The following GPA33 variants were observed in gnomAD, a reference collection of about 807,000 sequenced individuals.
The protein encoded by GPA33 is cell surface A33 antigen.
Under a neutral mutation model 35.6 loss-of-function variants are expected in GPA33, and 27 were observed. The ratio of observed to expected loss-of-function variants is 0.76; its 90% confidence interval spans 0.56 to 1.04. GPA33 has a LOEUF of 1.04. Ranked by LOEUF, GPA33 falls within the 50% of genes least tolerant of loss-of-function variation. The pLI is 0.00. For synonymous variants in GPA33, 176 were observed against 164.0 expected, an observed-to-expected ratio of 1.07 and a Z score of -0.56; for missense variants, 428 against 411.9, an observed-to-expected ratio of 1.04 and a Z score of -0.34.
chr1:167,059,545 C>T (rs894354282), intron 4 of GPA33, among the ~76,000 whole-genome samples: 2 of 152,000 alleles, frequency 1.3e-5, no homozygotes, highest in Non-Finnish European at 1.5e-5. Context: ...TCACAAAGGG[C>T]CCTCACGATC....
chr1:167,060,515 G>A (rs757985671), intron 4 of GPA33, among the ~76,000 whole-genome samples: 13 of 152,152 alleles, frequency 8.5e-5, no homozygotes, highest in African/African-American at 2.4e-4. Context: ...TCACCTGCAG[G>A]TCCCCATTCT....
At chr1:167,068,882 C>A (rs1571311690) in intron 3 of GPA33, 40 bp downstream of exon 3, 1 of 1,525,432 alleles carries the variant, frequency 6.6e-7, no homozygotes, top group Middle Eastern at 2.3e-4. Context: ...CACCTGCCCA[C>A]CCTCTTCCTA....
At chr1:167,081,608 AG>A (rs1666949144) in intron 1 of GPA33, among the ~76,000 whole-genome samples, 1 of 152,234 alleles carries the variant, frequency 6.6e-6, no homozygotes, top group Non-Finnish European at 1.5e-5. Context: ...GTTTAGTGCA[AG>A]GCACCAGAAA....
chr1:167,065,267 G>A (rs1443705382), intron 3 of GPA33, among the ~76,000 whole-genome samples: 1 of 152,222 alleles, frequency 6.6e-6, no homozygotes, highest in Non-Finnish European at 1.5e-5. Context: ...GCTGTGACGT[G>A]AAGGAAGCAT....
chr1:167,083,081 C>T lies in GPA33; in HGVS notation c.43+7164G>A, dbSNP rs1192818005. Among the ~76,000 whole-genome samples, 4 of 152,272 alleles carry T rather than the reference C, an allele frequency of 2.6e-5. 1 individual carries two copies. In the South Asian group the frequency reaches 6.2e-4, roughly 24 times the overall value. ...GCAACTGAACTTCCCCCCAAGTCCA[C>T]TATGTCCTCCACCAGCTCTTGCAAT... is the stretch of plus-strand genomic sequence containing the variant. On this transcript the variant is annotated intron_variant, in intron 1 of 6. Coordinates refer to ENST00000367868, the MANE Select transcript of GPA33 (RefSeq NM_005814.3).
chr1:167,058,658 C>T (rs553806078), intron 4 of GPA33: 1 of 152,178 alleles, frequency 6.6e-6, no homozygotes, highest in Non-Finnish European at 1.5e-5. Flanking sequence ...AATGTGTCCC[C>T]TTCTATCCTA....
chr1:167,072,613 C>T (rs150671064), intron 2 of GPA33, among the ~76,000 whole-genome samples: 6 of 152,044 alleles, frequency 3.9e-5, no homozygotes, highest in African/African-American at 1.4e-4. Context: ...TTATTTGTAG[C>T]AGCAAAATAT....
At position 167,061,221 on chromosome 1, in the gene GPA33, T is replaced by G. The variant is rs1347080151; in HGVS notation, c.571+2361A>C. 2.6e-5 allele frequency among the ~76,000 whole-genome samples: 4 copies of G among 152,346 alleles called. No homozygotes were observed. In the East Asian group the frequency reaches 7.7e-4, roughly 29 times the overall value. ...CCAATACCCACTCCTTGGAGAAACC[T>G]TCTTTGATCTTCTTATGCATCTTCT... On this transcript the variant is annotated intron_variant, in intron 4 of 6. Coordinates refer to ENST00000367868, the MANE Select transcript of GPA33 (RefSeq NM_005814.3).
At chr1:167,078,395 G>A (rs1321409344) in intron 1 of GPA33, among the ~76,000 whole-genome samples, 1 of 152,164 alleles carries the variant, frequency 6.6e-6, no homozygotes, top group African/African-American at 2.4e-5. Context: ...CCTTTATGTA[G>A]GAAAAGAACT....
chr1:167,081,792 T>A (rs1666955060), intron 1 of GPA33, among the ~76,000 whole-genome samples: 1 of 152,202 alleles, frequency 6.6e-6, no homozygotes, highest in Non-Finnish European at 1.5e-5. Context: ...GATGGCAGGC[T>A]CCCTGGGGCA....
intron 1 of GPA33, among the ~76,000 whole-genome samples, chr1:167,074,205 T>TG (rs1231135443): frequency 6.6e-6 from 1 of 151,340 alleles, no homozygotes; most frequent in Non-Finnish European, 1.5e-5. Context: ...CCTCAGGAGG[T>TG]GGGGTCTGTG....
At chr1:167,069,810 G>C (rs1425931978) in intron 2 of GPA33, among the ~76,000 whole-genome samples, 1 of 152,212 alleles carries the variant, frequency 6.6e-6, no homozygotes, top group Non-Finnish European at 1.5e-5. Context: ...ACTGTAGTGA[G>C]AATTACAGTA....
intron 1 of GPA33, 124 bp downstream of exon 1, chr1:167,090,121 G>A: frequency 1.4e-6 from 1 of 726,950 alleles, no homozygotes; most frequent in East Asian, 2.6e-5. Context: ...TTCTGGCCCA[G>A]CAGGAACGCA....
chr1:167,083,248 T>C (rs1410592880), intron 1 of GPA33, among the ~76,000 whole-genome samples: 1 of 152,120 alleles, frequency 6.6e-6, no homozygotes, highest in African/African-American at 2.4e-5. Context: ...AACTAGCTAG[T>C]GCCCCTTATC....
In GPA33 at chr1:167,089,921, A is replaced by G. The variant is rs367552411; in HGVS notation, c.43+324T>C. ...ATCCACACATCCTGGATTTTCTAGG[A>G]CAACTCCGATTTCAAATACTTTGTC... On this transcript the variant is annotated intron_variant, in intron 1 of 6. Coordinates refer to ENST00000367868, the MANE Select transcript of GPA33 (RefSeq NM_005814.3). Among the ~76,000 whole-genome samples, 22 of 152,190 alleles carry G rather than the reference A, an allele frequency of 1.4e-4. No homozygotes were observed. The East Asian group carries it at 4.2e-3, about 29-fold the overall frequency.
chr1:167,072,387 G>T (rs993105881), intron 2 of GPA33, among the ~76,000 whole-genome samples: 1 of 152,184 alleles, frequency 6.6e-6, no homozygotes, highest in African/African-American at 2.4e-5. Context: ...GGCAAATAGC[G>T]AACAGTTTGA....
chr1:167,054,674 G>A (rs1353638768), intron 6 of GPA33, among the ~76,000 whole-genome samples: 1 of 152,154 alleles, frequency 6.6e-6, no homozygotes, highest in Non-Finnish European at 1.5e-5. Flanking sequence ...ACAGGAACAG[G>A]CTGGCTTTAC....
At chr1:167,055,611 G>A in intron 5 of GPA33, 119 bp downstream of exon 5, 1 of 1,095,056 alleles carries the variant, frequency 9.1e-7, no homozygotes, top group Non-Finnish European at 1.4e-6. Flanking sequence ...CTAACCTGCA[G>A]GTGCGTGGCC....
Position 167,062,646 on chromosome 1 carries a change from C to CT in GPA33, c.571+935dup, listed in dbSNP as rs768326263. ...TGGTAGGATTTTTATATAGCTCTTT[C>CT]TTTTTTTTTTTTTTTTTTTTTCAGT... On this transcript the variant is annotated intron_variant, in intron 4 of 6. Transcript: ENST00000367868. 7.4e-3 allele frequency among the ~76,000 whole-genome samples: 593 copies of CT among 79,954 alleles called. 14 individuals are homozygous for CT. Among genetic ancestry groups the CT allele is most frequent in the Non-Finnish European group, 0.01 (432 of 42,506 alleles). The allele number at this position is 79,954 out of a possible 152,430, so 52.5% of individuals were successfully genotyped here.
Sources: gnomAD v4.1 joint callset for allele counts (sites outside exome capture counted in the v4.1 genomes callset) on GRCh38, gnomAD v4.1.1 for gene constraint, MANE v1.5 for transcripts, NCBI Gene and HGNC (gene_info 2026-07-23, HGNC 2026-07-21) for gene names.